ST8SIA6: variants seen among roughly 807,000 people sequenced by gnomAD.
ST8SIA6 encodes ST8 alpha-N-acetyl-neuraminide alpha-2,8-sialyltransferase 6, also known as alpha-2,8-sialyltransferase 8F.
In ST8SIA6, 39 loss-of-function variants were observed where a neutral mutation model predicts 33.6. The ratio of observed to expected loss-of-function variants is 1.16; its 90% CI spans 0.90 to 1.52. ST8SIA6 has a LOEUF of 1.52. Among genes scored for constraint, ST8SIA6 ranks in the 40% most tolerant of loss-of-function variants. The pLI is 0.00. For synonymous variants in ST8SIA6, 172 were observed against 167.2 expected (o/e 1.03, Z -0.22); for missense variants, 441 against 443.8 (o/e 0.99, Z 0.06).
chr10:17,369,645 A>G (rs1216048745), intron 3 of ST8SIA6, among the ~76,000 whole-genome samples: 1 of 151,954 alleles, frequency 6.6e-6, no homozygotes, highest in Admixed American at 6.6e-5. Context: ...CCACTATTGA[A>G]AGTGGATATT....
intron 2 of ST8SIA6, among the ~76,000 whole-genome samples, chr10:17,399,917 C>CAA (rs61580333): frequency 8.1e-5 from 9 of 111,070 alleles, no homozygotes; most frequent in South Asian, 2.9e-4. Context: ...GATTCTGTCT[C>CAA]AAAAAAAAAA....
chr10:17,337,784 C>G (rs1848553159), intron 4 of ST8SIA6, among the ~76,000 whole-genome samples: 1 of 152,120 alleles, frequency 6.6e-6, no homozygotes, highest in South Asian at 2.1e-4. Flanking sequence ...TGGGTATGGC[C>G]ATTGCTCCCT....
rs74900345 is a variant in ST8SIA6, at chr10:17,432,445, G to A, written c.200+21114C>T. ...CCACGCATTTGCCGTGATGTAATGC[G>A]TACGAATGTGAATTTCAAGAGACTA... is the stretch of plus-strand genomic sequence containing the variant. On this transcript the variant is annotated intron_variant, in intron 2 of 7. Transcript: ENST00000377602. Among the ~76,000 whole-genome samples the A allele has an allele frequency of 8.1e-3, 1,235 of 152,294 alleles. 18 individuals carry two copies. The highest frequency in any genetic ancestry group is 0.029 in the African/African-American group (1,194 of 41,552).
intron 4 of ST8SIA6, among the ~76,000 whole-genome samples, chr10:17,336,405 A>C (rs185613631): frequency 1.4e-3 from 214 of 152,262 alleles, no homozygotes; most frequent in Middle Eastern, 3.4e-3. Flanking sequence ...GTATCTGTCC[A>C]TTAATCCAAT....
At position 17,453,657 on chromosome 10, in the gene ST8SIA6, C is replaced by G; in HGVS notation, c.102G>C (p.Arg34Ser). 1 of 1,313,500 alleles carries G rather than the reference C, an allele frequency of 7.6e-7. No individual in the cohort carries two copies. The highest frequency in any genetic ancestry group is 9.8e-7 in the Non-Finnish European group (1 of 1,022,596). The allele number at this position is 1,313,500 out of a possible 1,614,324, so 81.4% of individuals were successfully genotyped here. ...CCTCCCTGCTTTCCTCCACCAGAAT[C>G]CTGCACAGCCGGGGAGAAAACTTAA... Reference protein sequence around the residue: ...WCPADAPGRARILVEESREAT... With the variant: ...WCPADAPGRASILVEESREAT... Residue 34 changes from arginine (R) to serine (S), a missense_variant and splice_region_variant, in exon 2 of 8, where the codon AGG (arginine) becomes AGC (serine). Transcript: ENST00000377602.
intron 4 of ST8SIA6, among the ~76,000 whole-genome samples, chr10:17,353,537 A>G (rs1849098654): frequency 6.6e-6 from 1 of 152,210 alleles, no homozygotes; most frequent in East Asian, 1.9e-4. Context: ...CAATTAATCT[A>G]CAAATACAGC....
At chr10:17,436,427 T>C (rs1404879238) in intron 2 of ST8SIA6, among the ~76,000 whole-genome samples, 1 of 152,116 alleles carries the variant, frequency 6.6e-6, no homozygotes, top group Non-Finnish European at 1.5e-5. Context: ...AACGTGCAGG[T>C]TTGTTACATA....
At chr10:17,368,506 T>C (rs1249246118) in intron 3 of ST8SIA6, among the ~76,000 whole-genome samples, 1 of 150,398 alleles carries the variant, frequency 6.6e-6, no homozygotes, top group Admixed American at 6.7e-5. Context: ...ATTAATAGCA[T>C]GTTAAAGTGC....
intron 3 of ST8SIA6, among the ~76,000 whole-genome samples, chr10:17,369,037 T>G (rs1250511040): frequency 1.3e-5 from 2 of 152,196 alleles, no homozygotes; most frequent in Admixed American, 6.5e-5. Context: ...GAATCTATAT[T>G]GAAACAAAAT....
chr10:17,404,851 C>G (rs1260009312), intron 2 of ST8SIA6, among the ~76,000 whole-genome samples: 1 of 152,180 alleles, frequency 6.6e-6, no homozygotes, highest in Non-Finnish European at 1.5e-5. Context: ...ACTGTTTTAA[C>G]GAGTGTCATG....
intron 3 of ST8SIA6, among the ~76,000 whole-genome samples, chr10:17,388,813 G>A (rs756595853): frequency 6.6e-6 from 1 of 152,120 alleles, no homozygotes; most frequent in Non-Finnish European, 1.5e-5. Context: ...TGATAATAGC[G>A]CTTTCCTGAA....
At chr10:17,325,012 CAT>C (rs1450769413) in intron 6 of ST8SIA6, among the ~76,000 whole-genome samples, 3 of 141,318 alleles carry the variant, frequency 2.1e-5, no homozygotes, top group African/African-American at 7.7e-5. Flanking sequence ...ATATATAACA[CAT>C]AATACTGTTA....
intron 2 of ST8SIA6, among the ~76,000 whole-genome samples, chr10:17,432,014 C>T (rs1852117345): frequency 6.6e-6 from 1 of 152,032 alleles, no homozygotes; most frequent in South Asian, 2.1e-4. Flanking sequence ...AGCCGGAAGC[C>T]GAAAACCGGA....
At chr10:17,374,660 G>C (rs1277366693) in intron 3 of ST8SIA6, among the ~76,000 whole-genome samples, 1 of 151,166 alleles carries the variant, frequency 6.6e-6, no homozygotes, top group Non-Finnish European at 1.5e-5. Flanking sequence ...GTTGCAGTGA[G>C]CGGAGATCGT....
At chr10:17,390,037 G>A (rs1850528138) in intron 3 of ST8SIA6, among the ~76,000 whole-genome samples, 1 of 152,060 alleles carries the variant, frequency 6.6e-6, no homozygotes, top group Admixed American at 6.6e-5. Flanking sequence ...CCCCTGGGCT[G>A]GAGTGCAAGT....
intron 4 of ST8SIA6, among the ~76,000 whole-genome samples, chr10:17,348,232 T>G (rs1588820912): frequency 1.3e-5 from 2 of 151,472 alleles, no homozygotes; most frequent in Non-Finnish European, 2.9e-5. Context: ...TTTTTTTTTT[T>G]TTTTTTGCAG....
At chr10:17,337,304 G>A (rs1848537161) in intron 4 of ST8SIA6, among the ~76,000 whole-genome samples, 1 of 152,256 alleles carries the variant, frequency 6.6e-6, no homozygotes, top group Admixed American at 6.5e-5. Context: ...CCCCATCTCG[G>A]TTATTTCTTT....
At chr10:17,444,702 A>G (rs539271567) in intron 2 of ST8SIA6, among the ~76,000 whole-genome samples, 1 of 152,312 alleles carries the variant, frequency 6.6e-6, no homozygotes, top group South Asian at 2.1e-4. Context: ...AGAGGTGACA[A>G]AGAATGAAAG....
chr10:17,331,125 G>C (rs1015578053), intron 5 of ST8SIA6, among the ~76,000 whole-genome samples: 1 of 152,172 alleles, frequency 6.6e-6, no homozygotes, highest in Admixed American at 6.5e-5. Flanking sequence ...ACAAGCCTCA[G>C]TAATTACTAA....
Sources: allele counts gnomAD v4.1 joint callset (sites outside exome capture counted in the v4.1 genomes callset), GRCh38; gene constraint gnomAD v4.1.1; transcripts MANE v1.5; gene names NCBI Gene and HGNC (gene_info 2026-07-23, HGNC 2026-07-21).